RCOR2: variants seen among roughly 807,000 people sequenced by gnomAD.
RCOR2 encodes REST corepressor 2.
RCOR2 carries 19 observed loss-of-function variants against 58.9 expected under a neutral mutation model. The ratio of observed to expected loss-of-function variants is 0.32; its 90% CI spans 0.23 to 0.47. The LOEUF (loss-of-function observed/expected upper bound fraction) is 0.47, where lower values mean the gene tolerates loss of function less well. RCOR2 is among the 20% of genes least tolerant of loss of function. The probability of loss-of-function intolerance (pLI) is 1.00; values close to 1 mark genes in which losing one functional copy is unlikely to be tolerated. For synonymous variants in RCOR2, 286 were observed against 278.7 expected (o/e 1.03, Z -0.26); for missense variants, 590 against 707.9 (o/e 0.83, Z 1.89).
At chr11:63,919,759 C>T (rs951233332), upstream of RCOR2, among the ~76,000 whole-genome samples, 6 of 152,266 alleles carry the variant, frequency 3.9e-5, no homozygotes, top group African/African-American at 1.2e-4. Context: ...CCCGGGAATG[C>T]CCTCCCCGCC....
rs1457536379 is a variant in RCOR2, at chr11:63,913,925, C to T, written c.891+29G>A. 1.9e-6 allele frequency: 3 copies of T among 1,606,724 alleles called. No homozygotes were observed. The African/African-American group carries it at 4.0e-5, about 21-fold the overall frequency. On this transcript the variant is annotated intron_variant, in intron 8 of 11. Coordinates refer to ENST00000301459, the MANE Select transcript of RCOR2 (RefSeq NM_173587.4). ...TCCCAGGTGCCGAATGCCACCTTTG[C>T]ATAGCCCGTTCATTTCCCAGGGCCC...
upstream of RCOR2, among the ~76,000 whole-genome samples, chr11:63,919,413 A>G (rs1190616490): frequency 2.6e-5 from 4 of 151,982 alleles, no homozygotes; most frequent in Non-Finnish European, 5.9e-5. Flanking sequence ...TCTTAAAGAG[A>G]CAGCACCCCC....
chr11:63,924,595 T>A, the RCOR2 span, among the ~76,000 whole-genome samples: 1 of 152,176 alleles, frequency 6.6e-6, no homozygotes, highest in Non-Finnish European at 1.5e-5. Context: ...TCTTGTGAAG[T>A]CCCTTCTCCC....
At chr11:63,913,011 A>G (rs1252344268) in intron 8 of RCOR2, 64 bp from the exon 9 acceptor site, 35 of 1,359,246 alleles carry the variant, frequency 2.6e-5, no homozygotes, top group Non-Finnish European at 3.3e-5. Context: ...TATGCCCCTC[A>G]CAGGACCCTA....
upstream of RCOR2, among the ~76,000 whole-genome samples, chr11:63,919,776 G>A (rs1185853167): frequency 6.6e-6 from 1 of 152,252 alleles, no homozygotes; most frequent in East Asian, 1.9e-4. Flanking sequence ...CGCCATTTTC[G>A]CCGATGAGCT....
In RCOR2 at chr11:63,916,635, G is replaced by C. The variant is rs1007547239; in HGVS notation, c.-179C>G. ...TGGGAGCCCACCTGGTAGCCCCAGC[G>C]CTCTCCACGACCCCCACGAGCCAGG... On this transcript the variant is annotated 5_prime_UTR_variant, in exon 1 of 12. Transcript: ENST00000301459. 1.5e-4 allele frequency: 157 copies of C among 1,076,450 alleles called. 1 individual carries two copies. Among genetic ancestry groups the C allele is most frequent in the Non-Finnish European group, 1.9e-4 (144 of 777,478 alleles). The allele number at this position is 1,076,450 out of a possible 1,614,324, so 66.7% of individuals were successfully genotyped here.
chr11:63,916,267 C>T, intron 1 of RCOR2, 63 bp downstream of exon 1: 1 of 1,412,794 alleles, frequency 7.1e-7, no homozygotes, highest in Non-Finnish European at 9.7e-7. Flanking sequence ...AACTCTTCCC[C>T]CTCCCGCCCC....
At chr11:63,923,854 C>T in the RCOR2 span, among the ~76,000 whole-genome samples, 1 of 152,218 alleles carries the variant, frequency 6.6e-6, no homozygotes, top group Non-Finnish European at 1.5e-5. Context: ...TCTGAATCTT[C>T]ACCAATCTTC....
chr11:63,926,552 T>A, the RCOR2 span, among the ~76,000 whole-genome samples: 3 of 151,116 alleles, frequency 2.0e-5, no homozygotes, highest in East Asian at 5.9e-4. Context: ...AGTGACGTGA[T>A]CTCGGCTCAC....
rs768058896 is a variant in RCOR2 at position 63,914,312 on chromosome 11, A to G, written c.624T>C (p.Gly208=). 1 of 1,613,286 alleles carries G rather than the reference A, an allele frequency of 6.2e-7. No homozygotes were observed. The highest frequency in any genetic ancestry group is 1.1e-5 in the South Asian group (1 of 91,072). Residue 208 remains glycine (G), a synonymous_variant, in exon 7 of 12, where the codon GGT becomes GGC. Transcript: ENST00000301459. The part of the protein sequence containing the change: ...DKEDSDELEE[G]RGGVSEGEPD... The stretch of plus-strand genomic sequence containing the variant: ...GCTCTCCCTCACTCACGCCTCCTCG[A>G]CCCTCTTCGAGCTCATCACTGCTGA...
the RCOR2 span, among the ~76,000 whole-genome samples, chr11:63,922,772 C>T: frequency 6.6e-6 from 1 of 152,206 alleles, no homozygotes; most frequent in African/African-American, 2.4e-5. Context: ...GTTTCTAGCC[C>T]ATGTATGATC....
At chr11:63,914,840 G>C (rs4375445) in intron 4 of RCOR2, 24 bp from the exon 5 acceptor site, 1,556,786 of 1,594,294 alleles carry the variant, frequency 0.98, 766,078 homozygotes, top group Non-Finnish European at 1. Context: ...AGGGGCAGCT[G>C]AGCCTGAGCT....
intron 5 of RCOR2, 51 bp downstream of exon 5, chr11:63,914,604 C>T (rs780094208): frequency 6.2e-7 from 1 of 1,609,312 alleles, no homozygotes. Context: ...GTAAGCTCTT[C>T]AGAAAGGAGG....
rs757396677 is a variant in RCOR2, at chr11:63,912,930, C to T, written c.909G>A (p.Gln303=). The change falls in exon 9 of 12, where the codon CAG becomes CAA. Residue 303 remains glutamine (Q), a synonymous_variant. Transcript: ENST00000301459. ...GGGCTTGGCGCAGGCTGCTGTTCGT[C>T]TGCTTCATGCTCTGTACCTGGGAAG... ...SLKRQVQSMK[Q]TNSSLRQALE... The T allele has an allele frequency of 6.2e-7, 1 of 1,613,330 alleles. No homozygotes were observed. Among genetic ancestry groups the T allele is most frequent in the Non-Finnish European group, 8.5e-7 (1 of 1,179,748 alleles).
the RCOR2 span, among the ~76,000 whole-genome samples, chr11:63,923,817 T>A: frequency 2.0e-5 from 3 of 152,230 alleles, no homozygotes; most frequent in Admixed American, 6.5e-5. Context: ...CATCACTTGC[T>A]GTCCCCCAGG....
chr11:63,913,822 C>T, intron 8 of RCOR2, 132 bp downstream of exon 8: 7 of 876,920 alleles, frequency 8.0e-6, no homozygotes, highest in South Asian at 7.4e-5. Flanking sequence ...AAGAACACCA[C>T]ATTACTCAGA....
chr11:63,921,160 C>T (rs1190900713), upstream of RCOR2, among the ~76,000 whole-genome samples: 3 of 152,062 alleles, frequency 2.0e-5, no homozygotes, highest in Non-Finnish European at 4.4e-5. Flanking sequence ...AGCAAGACCT[C>T]GGGTTGAGAT....
chr11:63,919,531 G>A (rs1941902309), upstream of RCOR2, among the ~76,000 whole-genome samples: 1 of 152,136 alleles, frequency 6.6e-6, no homozygotes, highest in South Asian at 2.1e-4. Flanking sequence ...CCCCAGGTCA[G>A]AAATCGTCCT....
chr11:63,923,468 AACTCCACT>A, the RCOR2 span, among the ~76,000 whole-genome samples: 1 of 151,824 alleles, frequency 6.6e-6, no homozygotes, highest in Non-Finnish European at 1.5e-5. Flanking sequence ...CTCACTCCCC[AACTCCACT>A]ACTCCACAGA....
Sources: gnomAD v4.1 joint callset for allele counts (sites outside exome capture counted in the v4.1 genomes callset) on GRCh38, gnomAD v4.1.1 for gene constraint, MANE v1.5 for transcripts, NCBI Gene and HGNC (gene_info 2026-07-23, HGNC 2026-07-21) for gene names.